LRRC61: variants seen among roughly 807,000 people sequenced by gnomAD.
LRRC61 encodes leucine rich repeat containing 61, also known as leucine-rich repeat-containing protein 61.
A neutral mutation model predicts 15.1 loss-of-function variants in LRRC61; 9 were observed. The ratio of observed to expected loss-of-function variants is 0.60; its 90% CI spans 0.36 to 1.04. LRRC61 has a LOEUF of 1.04. Among genes scored for constraint, LRRC61 ranks in the 50% least tolerant of loss-of-function variants. The pLI is 0.01. For synonymous variants in LRRC61, 173 were observed against 158.6 expected (o/e 1.09, Z -0.68); for missense variants, 344 against 335.6 (o/e 1.03, Z -0.20).
At chr7:150,312,466 A>G in the LRRC61 span, among the ~76,000 whole-genome samples, 1 of 152,198 alleles carries the variant, frequency 6.6e-6, no homozygotes, top group Non-Finnish European at 1.5e-5. Context: ...TGGGGACAAA[A>G]AGCTTTGGTA....
At chr7:150,319,696 G>C (rs868171534), upstream of LRRC61, among the ~76,000 whole-genome samples, 9 of 152,270 alleles carry the variant, frequency 5.9e-5, no homozygotes, top group Middle Eastern at 3.4e-3. Context: ...CTCCAGTCTT[G>C]ACAATTACTC....
In LRRC61 at chr7:150,335,575, G is replaced by A. The variant is rs1798261182; in HGVS notation, c.-144-1143G>A. Among the ~76,000 whole-genome samples the A allele has an allele frequency of 6.6e-6, 1 of 152,172 alleles. No homozygotes were observed. Among genetic ancestry groups the A allele is most frequent in the Non-Finnish European group, 1.5e-5 (1 of 68,032 alleles). On this transcript the variant is annotated intron_variant, in intron 2 of 2. Coordinates refer to ENST00000359623, the MANE Select transcript of LRRC61 (RefSeq NM_001142928.2). This position sits in a 1 kb window ranked among gnomAD's most constrained non-coding sequence, Gnocchi z 4.3. ...GGAGGAGCTAAGTGGATCAGGCTCT[G>A]GGCCTGGTTTCCTTGGAGAGGGGAA...
chr7:150,320,724 T>C (rs554533742), upstream of LRRC61, among the ~76,000 whole-genome samples: 1 of 152,256 alleles, frequency 6.6e-6, no homozygotes, highest in South Asian at 2.1e-4. Context: ...GATGGTGGCA[T>C]TGCACTCCAG....
In LRRC61 at chr7:150,333,654, C is replaced by T. The variant is rs1221767988; in HGVS notation, c.-144-3064C>T. Among the ~76,000 whole-genome samples the T allele has an allele frequency of 3.9e-5, 6 of 152,248 alleles. No individual in the cohort carries two copies. The highest frequency in any genetic ancestry group is 1.4e-4 in the African/African-American group (6 of 41,464). On this transcript the variant is annotated intron_variant, in intron 2 of 2. Coordinates refer to ENST00000359623, the MANE Select transcript of LRRC61 (RefSeq NM_001142928.2). This position sits in a 1 kb window ranked among gnomAD's most constrained non-coding sequence, Gnocchi z 4.3. ...CAAAGGGCCCAAGTGCCATCCTTGT[C>T]ACCAGTCCTCTTTCCAGACTCTGTT...
chr7:150,336,771 G>A lies in LRRC61; in HGVS notation c.-91G>A. Reference sequence around the variant, plus strand: ...GAACCAGGCCTCCTGGCACTGGCCTGGGTAGAGCCAGGGCGAGCACCAGCT... The same window carrying A: ...GAACCAGGCCTCCTGGCACTGGCCTAGGTAGAGCCAGGGCGAGCACCAGCT... On this transcript the variant is annotated 5_prime_UTR_variant, in exon 3 of 3. Coordinates refer to ENST00000359623, the MANE Select transcript of LRRC61 (RefSeq NM_001142928.2). 2.0e-6 allele frequency: 3 copies of A among 1,512,842 alleles called. No homozygotes were observed. The highest frequency in any genetic ancestry group is 2.7e-6 in the Non-Finnish European group (3 of 1,128,532). 93.7% of individuals were successfully genotyped at this position (1,512,842 alleles called of 1,614,324 possible).
chr7:150,330,771 C>T lies in LRRC61; in HGVS notation c.-145+4761C>T, dbSNP rs767074213. 24 of 1,613,878 alleles carry T rather than the reference C, an allele frequency of 1.5e-5. No individual in the cohort carries two copies. The highest frequency in any genetic ancestry group is 1.9e-5 in the Non-Finnish European group (23 of 1,179,978). ...ATACTCTTTGAACTCCCCAAGTCCC[C>T]TGCAAAGCCCCAGGGGTCTGTGCGT... is the stretch of plus-strand genomic sequence containing the variant. On this transcript the variant is annotated intron_variant, in intron 2 of 2. Coordinates refer to ENST00000359623, the MANE Select transcript of LRRC61 (RefSeq NM_001142928.2). The surrounding 1 kb of genome is among the most constrained non-coding windows in gnomAD (Gnocchi z 4.6).
At chr7:150,323,316 C>T (rs921788005), upstream of LRRC61, 20 of 266,098 alleles carry the variant, frequency 7.5e-5, no homozygotes, top group Admixed American at 2.4e-4. Context: ...CCAGAGCGCC[C>T]ACTACGGCCT....
At chr7:150,312,223 T>C in the LRRC61 span, among the ~76,000 whole-genome samples, 1 of 152,182 alleles carries the variant, frequency 6.6e-6, no homozygotes, top group Non-Finnish European at 1.5e-5. Flanking sequence ...AAAAACCCAC[T>C]CTACCAGTCT....
In LRRC61 at chr7:150,330,821, C is replaced by A; in HGVS notation, c.-145+4811C>A. 1 of 1,610,092 alleles carries A rather than the reference C, an allele frequency of 6.2e-7. No homozygotes were observed. On this transcript the variant is annotated intron_variant, in intron 2 of 2. Coordinates refer to ENST00000359623, the MANE Select transcript of LRRC61 (RefSeq NM_001142928.2). The surrounding 1 kb of genome is among the most constrained non-coding windows in gnomAD (Gnocchi z 4.6). The stretch of plus-strand genomic sequence containing the variant: ...TGGACCCCACCAGGGTAGCCAAGAG[C>A]TCCGGGGTGGAGGGGAGAAGCCAGG...
intron 2 of LRRC61, among the ~76,000 whole-genome samples, chr7:150,329,103 T>G (rs577607096): frequency 6.6e-6 from 1 of 152,334 alleles, no homozygotes; most frequent in East Asian, 1.9e-4. Context: ...GAGGACACTG[T>G]GGCAGAAAAG....
upstream of LRRC61, among the ~76,000 whole-genome samples, chr7:150,319,293 C>T (rs545522057): frequency 7.9e-5 from 12 of 152,022 alleles, no homozygotes; most frequent in South Asian, 6.2e-4. Flanking sequence ...CCACAAGCTC[C>T]GCCTCTCAGG....
At chr7:150,320,243 T>C (rs1040855931), upstream of LRRC61, among the ~76,000 whole-genome samples, 2 of 152,264 alleles carry the variant, frequency 1.3e-5, no homozygotes, top group African/African-American at 2.4e-5. Flanking sequence ...GAAACTAATC[T>C]ATTAGAGTAG....
At chr7:150,326,293 G>GT (rs1399478423) in intron 2 of LRRC61, among the ~76,000 whole-genome samples, 3 of 152,250 alleles carry the variant, frequency 2.0e-5, no homozygotes, top group Non-Finnish European at 4.4e-5. Context: ...TGAATCAAGA[G>GT]TATCTGCAGA....
At chr7:150,312,543 A>C in the LRRC61 span, among the ~76,000 whole-genome samples, 43,786 of 152,060 alleles carry the variant, frequency 0.29, 6,501 homozygotes, top group East Asian at 0.43. Flanking sequence ...AATATGCCTG[A>C]TTACTGTTTT....
Position 150,336,775 on chromosome 7 carries a change from A to G in LRRC61, c.-87A>G. ...CAGGCCTCCTGGCACTGGCCTGGGT[A>G]GAGCCAGGGCGAGCACCAGCTGACC... On this transcript the variant is annotated 5_prime_UTR_variant, in exon 3 of 3. Transcript: ENST00000359623. 1 of 1,513,142 alleles carries G rather than the reference A, an allele frequency of 6.6e-7. No individual in the cohort carries two copies. Among genetic ancestry groups the G allele is most frequent in the Non-Finnish European group, 8.9e-7 (1 of 1,128,054 alleles). The allele number at this position is 1,513,142 out of a possible 1,614,324, so 93.7% of individuals were successfully genotyped here. A position where few individuals can be genotyped will look rare whatever the true frequency, so the allele number is the denominator to read the frequency against.
upstream of LRRC61, chr7:150,323,220 G>A (rs1797741427): frequency 4.2e-6 from 1 of 240,112 alleles, no homozygotes; most frequent in South Asian, 4.1e-5. Flanking sequence ...CAGGTAGGAG[G>A]AACGTACCAA....
At chr7:150,313,144 C>G in the LRRC61 span, among the ~76,000 whole-genome samples, 1 of 152,202 alleles carries the variant, frequency 6.6e-6, no homozygotes, top group East Asian at 1.9e-4. Context: ...ACTACCTACC[C>G]AAGTCCTATA....
At chr7:150,322,817 C>T (rs772893922), upstream of LRRC61, 1 of 152,272 alleles carries the variant, frequency 6.6e-6, no homozygotes, top group Non-Finnish European at 1.5e-5. Context: ...GATCGGGACC[C>T]CTTTCTGATA....
intron 1 of LRRC61, chr7:150,323,812 G>T (rs1361224650): frequency 2.4e-6 from 1 of 412,674 alleles, no homozygotes; most frequent in South Asian, 1.7e-5. Context: ...TACTATTCCC[G>T]TAATGTAGAC....
Sources: gnomAD v4.1 joint callset for allele counts (sites outside exome capture counted in the v4.1 genomes callset) on GRCh38, gnomAD v4.1.1 for gene constraint, Gnocchi (gnomAD v3.1) non-coding constraint, MANE v1.5 for transcripts, NCBI Gene and HGNC (gene_info 2026-07-23, HGNC 2026-07-21) for gene names.